Variants in MCTP2 observed in about 807,000 individuals in gnomAD.
MCTP2 encodes the protein multiple C2 and transmembrane domain containing 2.
Under a neutral mutation model 111.6 loss-of-function variants are expected in MCTP2, and 132 were observed. That is an observed-to-expected ratio of 1.18 (90% CI 1.03 to 1.37). MCTP2 has a LOEUF of 1.37. MCTP2 is among the 40% of genes most tolerant of loss of function. MCTP2 has a pLI of 0.00. For synonymous variants in MCTP2, 395 were observed against 387.7 expected, an observed-to-expected ratio of 1.02 and a Z score of -0.22; for missense variants, 1,183 against 1,067.9, an observed-to-expected ratio of 1.11 and a Z score of -1.50.
At chr15:94,402,736 A>C in intron 17 of MCTP2, 1 of 1,434,480 alleles carries the variant, frequency 7.0e-7, no homozygotes, top group Non-Finnish European at 9.1e-7. Context: ...TGGTAATGTC[A>C]GCCATGGGAG....
In MCTP2 at chr15:94,248,539, C is replaced by T. The variant is rs528851212; in HGVS notation, c.-66+16875C>T. Among the ~76,000 whole-genome samples, 15 of 152,312 alleles carry T rather than the reference C, an allele frequency of 9.8e-5. No homozygotes were observed. The South Asian group carries it at 3.1e-3, about 32-fold the overall frequency. On this transcript the variant is annotated intron_variant, in intron 1 of 22. Transcript: ENST00000357742. ...CTTTGGCCAGGCTTGCTTTAACTTT[C>T]CTTTGACGCTTAAAATATGTTCTTT...
chr15:94,322,009 A>G (rs2076651715), intron 4 of MCTP2, among the ~76,000 whole-genome samples: 2 of 152,198 alleles, frequency 1.3e-5, no homozygotes, highest in Admixed American at 6.5e-5. Context: ...GGAGGAGGTG[A>G]AAGACCAGGG....
intron 11 of MCTP2, 97 bp from the exon 12 acceptor site, chr15:94,369,990 G>A: frequency 1.5e-6 from 1 of 654,066 alleles, no homozygotes; most frequent in East Asian, 3.1e-5. Flanking sequence ...ATGAGAAAAA[G>A]GAAGATAAAT....
chr15:94,440,404 A>G (rs535735017), intron 18 of MCTP2, 106 bp downstream of exon 18: 24 of 1,430,852 alleles, frequency 1.7e-5, no homozygotes, highest in Non-Finnish European at 2.0e-5. Flanking sequence ...TTTGAGGTGT[A>G]AGGAGCAGCC....
chr15:94,293,782 T>TA (rs2075135271), intron 1 of MCTP2, among the ~76,000 whole-genome samples: 2 of 152,236 alleles, frequency 1.3e-5, no homozygotes, highest in Admixed American at 1.3e-4. Context: ...ATTGGTCTGT[T>TA]AAAGTCTGGC....
At chr15:94,249,388 T>C (rs2072241290) in intron 1 of MCTP2, among the ~76,000 whole-genome samples, 1 of 152,120 alleles carries the variant, frequency 6.6e-6, no homozygotes, top group Admixed American at 6.6e-5. Flanking sequence ...TGTGCTGAGA[T>C]GGAGATGGTA....
intron 17 of MCTP2, chr15:94,402,550 C>G: frequency 6.4e-7 from 1 of 1,551,712 alleles, no homozygotes; most frequent in Non-Finnish European, 8.7e-7. Context: ...ATTGGCCCAT[C>G]CTTATGAGCA....
chr15:94,254,676 G>A lies in MCTP2; in HGVS notation c.-66+23012G>A, dbSNP rs559991032. The stretch of plus-strand genomic sequence containing the variant: ...GCTCAGTGCAACTCAGCTATCTAAC[G>A]CTTAAGAAGACACACATTTTATATT... On this transcript the variant is annotated intron_variant, in intron 1 of 22. Transcript: ENST00000357742. Among the ~76,000 whole-genome samples, 7 of 152,208 alleles carry A rather than the reference G, an allele frequency of 4.6e-5. No homozygotes were observed. In the South Asian group the frequency reaches 1.5e-3, roughly 32 times the overall value.
intron 1 of MCTP2, among the ~76,000 whole-genome samples, chr15:94,256,663 G>A (rs999671846): frequency 6.6e-6 from 1 of 152,128 alleles, no homozygotes; most frequent in African/African-American, 2.4e-5. Flanking sequence ...GAGAAGTAAG[G>A]GACCTTTCTG....
chr15:94,391,601 G>T (rs2080981115), intron 14 of MCTP2, among the ~76,000 whole-genome samples: 1 of 152,062 alleles, frequency 6.6e-6, no homozygotes, highest in Non-Finnish European at 1.5e-5. Flanking sequence ...GGGCGAAAAT[G>T]GTCACTTTGA....
Position 94,284,632 on chromosome 15 carries a change from G to A in MCTP2, c.-65-13569G>A, listed in dbSNP as rs147032093. 5.5e-3 allele frequency among the ~76,000 whole-genome samples: 844 copies of A among 152,278 alleles called. 2 individuals carry two copies. Among genetic ancestry groups the A allele is most frequent in the African/African-American group, 0.019 (802 of 41,558 alleles). On this transcript the variant is annotated intron_variant, in intron 1 of 22. Coordinates refer to ENST00000357742, the MANE Select transcript of MCTP2 (RefSeq NM_001385001.1). ...ATATATCCCTAAATAATATATAATA[G>A]AATATGTGGATGAAATAAATTCAGT...
At chr15:94,392,383 T>A (rs748564068) in intron 14 of MCTP2, among the ~76,000 whole-genome samples, 97 of 143,610 alleles carry the variant, frequency 6.8e-4, no homozygotes, top group Admixed American at 1.7e-3. Flanking sequence ...AAAAAAAAAA[T>A]AGTAATAGTA....
intron 19 of MCTP2, among the ~76,000 whole-genome samples, chr15:94,455,444 T>A (rs2084760414): frequency 1.3e-5 from 2 of 151,768 alleles, no homozygotes; most frequent in Non-Finnish European, 2.9e-5. Flanking sequence ...TTCTTTCTGT[T>A]GTTTTTTTTT....
In MCTP2 at chr15:94,459,581, T is replaced by C. The variant is rs375739361; in HGVS notation, c.2360+1335T>C. On this transcript the variant is annotated intron_variant, in intron 20 of 22. Transcript: ENST00000357742. ...AAATAATTTTTGCTCACAGATATGA[T>C]GCCTATTTGCTTTATTCTTGTAGGT... Among the ~76,000 whole-genome samples, 10 of 152,346 alleles carry C rather than the reference T, an allele frequency of 6.6e-5. No individual in the cohort carries two copies. The East Asian group carries it at 1.2e-3, about 18-fold the overall frequency.
At chr15:94,423,335 A>G (rs936778201) in intron 17 of MCTP2, among the ~76,000 whole-genome samples, 1 of 152,188 alleles carries the variant, frequency 6.6e-6, no homozygotes, top group Non-Finnish European at 1.5e-5. Flanking sequence ...TGTTTCCAAG[A>G]TCACACAGCT....
chr15:94,399,107 A>G (rs1431754467), intron 15 of MCTP2, 45 bp downstream of exon 15: 1 of 998,962 alleles, frequency 1.0e-6, no homozygotes, highest in South Asian at 1.3e-5. Context: ...CGTACCTAAA[A>G]TAGAAGGTGA....
At position 94,483,346 on chromosome 15, in the gene MCTP2, T is replaced by G. The variant is rs1407522467; in HGVS notation, c.*4312T>G. The G allele has an allele frequency of 6.6e-6, 1 of 152,200 alleles. No homozygotes were observed. Among genetic ancestry groups the G allele is most frequent in the Admixed American group, 6.5e-5 (1 of 15,282 alleles). 9.4% of individuals were successfully genotyped at this position (152,200 alleles called of 1,614,324 possible). ...AATACCATTTGACCCAGCAATCCCA[T>G]AACTGGGTATGTACCCAAAGGAATA... On this transcript the variant is annotated 3_prime_UTR_variant, in exon 23 of 23. Transcript: ENST00000357742.
At chr15:94,448,995 G>A (rs535533191) in intron 19 of MCTP2, among the ~76,000 whole-genome samples, 7 of 152,076 alleles carry the variant, frequency 4.6e-5, no homozygotes, top group African/African-American at 1.2e-4. Flanking sequence ...AGCCGAGATC[G>A]TGCCACTGAA....
intron 4 of MCTP2, among the ~76,000 whole-genome samples, chr15:94,326,655 C>A (rs922888096): frequency 1.3e-5 from 2 of 151,898 alleles, no homozygotes; most frequent in African/African-American, 4.8e-5. Flanking sequence ...ACAACTTCTG[C>A]CTCCTGGGTT....
Sources: gnomAD v4.1 joint callset for allele counts (sites outside exome capture counted in the v4.1 genomes callset) on GRCh38, gnomAD v4.1.1 for gene constraint, MANE v1.5 for transcripts, NCBI Gene and HGNC (gene_info 2026-07-23, HGNC 2026-07-21) for gene names.